Variants in RBM39 observed in about 807,000 individuals in gnomAD.
RBM39 encodes RNA binding motif protein 39, also known as RNA-binding protein 39.
Under a neutral mutation model 79.6 loss-of-function variants are expected in RBM39, and 12 were observed. The ratio of observed to expected loss-of-function variants is 0.15; its 90% CI spans 0.10 to 0.24. The LOEUF (loss-of-function observed/expected upper bound fraction) is 0.24. Among genes scored for constraint, RBM39 ranks in the 10% least tolerant of loss-of-function variants. The pLI, the probability that RBM39 is intolerant of heterozygous loss-of-function variation, is 1.00. For missense variants in RBM39, 243 were observed against 653.4 expected, an observed-to-expected ratio of 0.37 and a Z score of 6.85; for synonymous variants, 185 against 208.4, an observed-to-expected ratio of 0.89 and a Z score of 0.97.
In RBM39 at chr20:35,739,016, T is replaced by C. The variant is rs1330733852; in HGVS notation, c.53A>G (p.Asp18Gly). The change falls in exon 3 of 17, where the codon GAT (aspartate) becomes GGT (glycine). Residue 18 changes from aspartate to glycine, a missense_variant and splice_region_variant. By Grantham distance (94) the Asp-to-Gly change is moderately conservative. Transcript: ENST00000253363. ...GTTGGCACTGCTCAACTTGTTCTCATCCTAAGCAGGGTTGATAGAAGAACA... is the reference window on the plus strand; with the variant it reads ...GTTGGCACTGCTCAACTTGTTCTCACCCTAAGCAGGGTTGATAGAAGAACA... ...EAMLEAPYKK[D>G]ENKLSSANGH... 1.9e-6 allele frequency: 3 copies of C among 1,612,216 alleles called. No homozygotes were observed. The African/African-American group carries it at 4.0e-5, about 22-fold the overall frequency.
At chr20:35,707,058 T>C (rs1463218413) in intron 14 of RBM39, 62 bp downstream of exon 14, 2 of 434,716 alleles carry the variant, frequency 4.6e-6, no homozygotes, top group Admixed American at 9.5e-5. Context: ...AAAAGAGAAA[T>C]ATATAAAACA....
At chr20:35,709,939 T>C (rs187303900) in intron 12 of RBM39, among the ~76,000 whole-genome samples, 1 of 152,162 alleles carries the variant, frequency 6.6e-6, no homozygotes, top group Non-Finnish European at 1.5e-5. Context: ...TTAAAAGCTA[T>C]GAAGTTTAGG....
rs573641149 is a variant in RBM39 at position 35,714,360 on chromosome 20, A to G, written c.921T>C (p.Ala307=). ...GTTCAAATCCATTAAGTTGTTCCAA[A>G]GCCTTTTTGGCACATTCTGAGTCAG... ...TFSDSECAKK[A]LEQLNGFELA... is the part of the protein sequence containing the mutation. The change falls in exon 11 of 17, where the codon GCT becomes GCC. Residue 307 remains alanine, a synonymous_variant. Coordinates refer to ENST00000253363, the MANE Select transcript of RBM39 (RefSeq NM_184234.3). 3.3e-5 allele frequency: 54 copies of G among 1,614,180 alleles called. No individual in the cohort carries two copies. The East Asian group carries it at 1.2e-3, about 35-fold the overall frequency.
At chr20:35,740,979 T>C (rs2040435704) in intron 1 of RBM39, 92 bp from the exon 2 acceptor site, 3 of 705,832 alleles carry the variant, frequency 4.3e-6, no homozygotes, top group Non-Finnish European at 7.1e-6. Context: ...TCTAACATTT[T>C]CTCTAAACGC....
intron 10 of RBM39, 116 bp from the exon 11 acceptor site, chr20:35,714,505 G>C (rs1344729530): frequency 3.0e-6 from 4 of 1,341,604 alleles, no homozygotes; most frequent in East Asian, 2.6e-5. Flanking sequence ...TGAATACTAA[G>C]GTAGAAACTG....
At chr20:35,718,020 A>T (rs568354662) in intron 9 of RBM39, among the ~76,000 whole-genome samples, 91 of 152,058 alleles carry the variant, frequency 6.0e-4, no homozygotes, top group South Asian at 1.7e-3. Context: ...CACCACGCCC[A>T]GCTAAATTTT....
intron 1 of RBM39, among the ~76,000 whole-genome samples, chr20:35,741,092 T>C (rs1420990477): frequency 7.7e-6 from 1 of 129,960 alleles, no homozygotes; most frequent in South Asian, 2.7e-4. Context: ...TGAAGTGCAG[T>C]AGCGCGATCT....
intron 3 of RBM39, 62 bp from the exon 4 acceptor site, chr20:35,732,197 T>C (rs1169414122): frequency 7.2e-7 from 1 of 1,391,084 alleles, no homozygotes; most frequent in Admixed American, 1.8e-5. Flanking sequence ...ATATACTACC[T>C]TTTATGGCCA....
intron 14 of RBM39, 128 bp from the exon 15 acceptor site, chr20:35,705,458 G>C: frequency 1.7e-6 from 1 of 594,740 alleles, no homozygotes; most frequent in East Asian, 3.2e-5. Context: ...CACATTGACA[G>C]AACGTCTCTG....
In RBM39 at chr20:35,722,034, G is replaced by C. The variant is rs186837346; in HGVS notation, c.688-157C>G. 1.6e-3 allele frequency among the ~76,000 whole-genome samples: 249 copies of C among 152,216 alleles called. 2 individuals are homozygous for C. Among genetic ancestry groups the C allele is most frequent in the African/African-American group, 5.8e-3 (242 of 41,524 alleles). ...ATATCAACTTAATAGGAGGCATCTA[G>C]AATATGCAAAATTCAGAAAGAGGAG... On this transcript the variant is annotated intron_variant, in intron 8 of 16. Transcript: ENST00000253363.
intron 15 of RBM39, chr20:35,704,973 T>C (rs2035542498): frequency 3.4e-6 from 2 of 588,128 alleles, no homozygotes; most frequent in Non-Finnish European, 5.9e-6. Flanking sequence ...AGCCTAAGAA[T>C]GAATCAAGAT....
At chr20:35,729,843 T>TA (rs11476594) in intron 4 of RBM39, among the ~76,000 whole-genome samples, 1 of 145,296 alleles carries the variant, frequency 6.9e-6, no homozygotes. Context: ...TCTTGAGAAT[T>TA]AAAAAAAAAA....
At chr20:35,726,796 G>A (rs915337166) in intron 6 of RBM39, among the ~76,000 whole-genome samples, 14 of 152,056 alleles carry the variant, frequency 9.2e-5, no homozygotes, top group African/African-American at 2.4e-4. Flanking sequence ...GGGGGTTGGG[G>A]TGGTCGCTCC....
chr20:35,722,421 T>TAA lies in RBM39; in HGVS notation c.688-546_688-545dup, dbSNP rs1284227161. 2.5e-4 allele frequency among the ~76,000 whole-genome samples: 23 copies of TAA among 90,246 alleles called. 1 individual carries two copies. The highest frequency in any genetic ancestry group is 1.1e-3 in the African/African-American group (23 of 20,232). The allele number at this position is 90,246 out of a possible 152,430, so 59.2% of individuals were successfully genotyped here. A position where few individuals can be genotyped will look rare whatever the true frequency, so the allele number is the denominator to read the frequency against. ...GACTCAGTCTCAAAAAAAATAAAAA[T>TAA]AAAAAAAAAAATAAAAATAAAAAGT... On this transcript the variant is annotated intron_variant, in intron 8 of 16. Coordinates refer to ENST00000253363, the MANE Select transcript of RBM39 (RefSeq NM_184234.3).
chr20:35,724,985 G>A (rs1386131469), intron 7 of RBM39, 53 bp downstream of exon 7: 1 of 1,265,212 alleles, frequency 7.9e-7, no homozygotes, highest in Non-Finnish European at 1.1e-6. Flanking sequence ...ATGTTTACAT[G>A]TTTTCTCTTG....
At position 35,736,730 on chromosome 20, in the gene RBM39, A is replaced by C. The variant is rs1209385131; in HGVS notation, c.101+2238T>G. 9.0e-5 allele frequency: 33 copies of C among 366,350 alleles called. No homozygotes were observed. The Admixed American group carries it at 1.2e-3, about 13-fold the overall frequency. The allele number at this position is 366,350 out of a possible 1,614,324, so 22.7% of individuals were successfully genotyped here. A position where few individuals can be genotyped will look rare whatever the true frequency, so the allele number is the denominator to read the frequency against. On this transcript the variant is annotated intron_variant, in intron 3 of 16. Coordinates refer to ENST00000253363, the MANE Select transcript of RBM39 (RefSeq NM_184234.3). Reference sequence around the variant, plus strand: ...CAATGGCATAATCTCAGCTCATTACAACCTCTGCCTCCCAGGTTCAAGCGA... The same window carrying C: ...CAATGGCATAATCTCAGCTCATTACCACCTCTGCCTCCCAGGTTCAAGCGA...
At chr20:35,705,712 C>T (rs1387859756) in intron 14 of RBM39, among the ~76,000 whole-genome samples, 1 of 151,490 alleles carries the variant, frequency 6.6e-6, no homozygotes, top group African/African-American at 2.4e-5. Flanking sequence ...GCAGGAGAAT[C>T]GCTTGAGCCT....
intron 9 of RBM39, among the ~76,000 whole-genome samples, chr20:35,719,575 G>A (rs1245441720): frequency 6.6e-6 from 1 of 151,966 alleles, no homozygotes; most frequent in Non-Finnish European, 1.5e-5. Flanking sequence ...TACTCAGGAG[G>A]CTGAGGCAGG....
chr20:35,726,256 C>T (rs2038675980), intron 6 of RBM39, among the ~76,000 whole-genome samples: 1 of 151,892 alleles, frequency 6.6e-6, no homozygotes, highest in African/African-American at 2.4e-5. Context: ...CTCAGCCTCC[C>T]GAGTAGCTGG....
Sources: gnomAD v4.1 joint callset for allele counts (sites outside exome capture counted in the v4.1 genomes callset) on GRCh38, gnomAD v4.1.1 for gene constraint, MANE v1.5 for transcripts, NCBI Gene and HGNC (gene_info 2026-07-23, HGNC 2026-07-21) for gene names.